The following UMAD1 variants were observed in gnomAD, a reference collection of about 807,000 sequenced individuals.
UMAD1 encodes the protein UBAP1-MVB12-associated (UMA)-domain containing protein 1.
UMAD1 carries 8 observed loss-of-function variants against 6.1 expected under a neutral mutation model. The ratio of observed to expected loss-of-function variants is 1.30; its 90% confidence interval spans 0.76 to 2.35. UMAD1 has a LOEUF of 2.35. Ranked by LOEUF, UMAD1 falls within the 30% of genes most tolerant of loss-of-function variation. The pLI is 0.00. For missense variants in UMAD1, 130 were observed against 78.4 expected, an observed-to-expected ratio of 1.66 and a Z score of -2.49; for synonymous variants, 56 against 31.4, an observed-to-expected ratio of 1.78 and a Z score of -2.61.
At chr7:7,861,797 G>A (rs1002446234) in intron 3 of UMAD1, among the ~76,000 whole-genome samples, 2 of 152,146 alleles carry the variant, frequency 1.3e-5, no homozygotes, top group East Asian at 3.8e-4. Context: ...TTTGAGATTA[G>A]AGAGATGTTT....
rs187785260 is a variant in UMAD1 at position 7,728,623 on chromosome 7, G to C, written c.82+55170G>C. 2.8e-4 allele frequency among the ~76,000 whole-genome samples: 42 copies of C among 149,304 alleles called. No homozygotes were observed. The South Asian group carries it at 8.3e-3, about 30-fold the overall frequency. ...CACACCAGTGCACTCCAGACTGGGT[G>C]ACAGAGTGAGACTCCATCTTAAGAA... On this transcript the variant is annotated intron_variant, in intron 2 of 3. Transcript: ENST00000682710.
chr7:7,768,389 T>C (rs1179778412), intron 2 of UMAD1, among the ~76,000 whole-genome samples: 2 of 152,214 alleles, frequency 1.3e-5, no homozygotes, highest in East Asian at 3.8e-4. Flanking sequence ...TTGTCCCACT[T>C]CAGACTTCTT....
chr7:7,646,395 G>A (rs917935188), intron 1 of UMAD1, among the ~76,000 whole-genome samples: 3 of 151,852 alleles, frequency 2.0e-5, no homozygotes, highest in Admixed American at 6.6e-5. Flanking sequence ...GAATCATGGG[G>A]ACAGTTTCCC....
intron 3 of UMAD1, among the ~76,000 whole-genome samples, chr7:7,825,816 G>A (rs543984943): frequency 8.5e-5 from 13 of 152,192 alleles, no homozygotes; most frequent in East Asian, 7.7e-4. Flanking sequence ...TGCCTATAAC[G>A]TGTATAATTG....
chr7:7,801,676 C>G lies in UMAD1; in HGVS notation c.89C>G (p.Thr30Arg), dbSNP rs1263110378. 8.4e-6 allele frequency: 6 copies of G among 717,890 alleles called. No individual in the cohort carries two copies. The highest frequency in any genetic ancestry group is 7.4e-5 in the South Asian group (5 of 67,576). 44.5% of individuals were successfully genotyped at this position (717,890 alleles called of 1,614,324 possible). A position where few individuals can be genotyped will look rare whatever the true frequency, so the allele number is the denominator to read the frequency against. Residue 30 changes from threonine to arginine, a missense_variant, in exon 3 of 4, where the codon ACA becomes AGA. By Grantham distance (71) the Thr-to-Arg change is moderately conservative. Transcript: ENST00000682710. ...CATATATTTTACTTCATAGGAGATA[C>G]AACAGATGAGCAAAGAATGACAGCA... ...EADGFVLLGD[T>R]TDEQRMTARG... is the part of the protein sequence containing the mutation.
intron 1 of UMAD1, among the ~76,000 whole-genome samples, chr7:7,667,247 G>A (rs28992770): frequency 0.015 from 2,231 of 152,188 alleles, 22 homozygotes; most frequent in Middle Eastern, 0.027. Flanking sequence ...AATAAAATTT[G>A]GTATGTTTCC....
At chr7:7,711,328 A>T (rs149640585) in intron 2 of UMAD1, among the ~76,000 whole-genome samples, 1 of 152,324 alleles carries the variant, frequency 6.6e-6, no homozygotes, top group African/African-American at 2.4e-5. Context: ...CCTGGTGCAC[A>T]TATGTGAGCT....
intron 1 of UMAD1, among the ~76,000 whole-genome samples, chr7:7,651,771 C>T (rs1785227788): frequency 6.6e-6 from 1 of 152,206 alleles, no homozygotes; most frequent in African/African-American, 2.4e-5. Context: ...GAAATTGGGT[C>T]TTCCGAGACT....
chr7:7,866,744 G>A (rs1049704087), intron 3 of UMAD1, among the ~76,000 whole-genome samples: 2 of 152,224 alleles, frequency 1.3e-5, no homozygotes, highest in African/African-American at 4.8e-5. Flanking sequence ...GCCAGGTCAT[G>A]CTTGTGTGTC....
At chr7:7,770,635 G>A (rs2115242534) in intron 2 of UMAD1, among the ~76,000 whole-genome samples, 2 of 152,186 alleles carry the variant, frequency 1.3e-5, no homozygotes, top group East Asian at 3.9e-4. Flanking sequence ...GCATCTAGGA[G>A]GTAGGATTAA....
rs533916165 is a variant in UMAD1, at chr7:7,769,016, C to G, written c.83-32654C>G. Among the ~76,000 whole-genome samples the G allele has an allele frequency of 3.3e-5, 5 of 152,210 alleles. No homozygotes were observed. The South Asian group carries it at 6.2e-4, about 19-fold the overall frequency. On this transcript the variant is annotated intron_variant, in intron 2 of 3. Coordinates refer to ENST00000682710, the MANE Select transcript of UMAD1 (RefSeq NM_001302348.2). ...TAGAATGAGTGGTGACTAAAAGGAC[C>G]AGTGCATTGTGAATTTCTGAAGTCT...
chr7:7,718,390 C>G (rs933460476), intron 2 of UMAD1: 4 of 152,152 alleles, frequency 2.6e-5, no homozygotes, highest in Admixed American at 1.3e-4. Flanking sequence ...TAGCATGGAA[C>G]AAATGAATAA....
chr7:7,847,018 G>A (rs1489231738), intron 3 of UMAD1, among the ~76,000 whole-genome samples: 261 of 112,728 alleles, frequency 2.3e-3, no homozygotes, highest in African/African-American at 8.8e-3. Context: ...TAACTAACCT[G>A]CACAATATGC....
At chr7:7,660,583 A>C (rs896282930) in intron 1 of UMAD1, among the ~76,000 whole-genome samples, 16 of 152,290 alleles carry the variant, frequency 1.1e-4, no homozygotes, top group African/African-American at 3.9e-4. Flanking sequence ...CTGGATATGA[A>C]ATTCTGTGTT....
intron 3 of UMAD1, among the ~76,000 whole-genome samples, chr7:7,812,113 A>C (rs1783032252): frequency 6.6e-6 from 1 of 152,184 alleles, no homozygotes; most frequent in Admixed American, 6.6e-5. Context: ...GAAAGGTCAT[A>C]ATTCTGGTGC....
chr7:7,876,520 T>C (rs1466970206), intron 3 of UMAD1, among the ~76,000 whole-genome samples: 1 of 152,198 alleles, frequency 6.6e-6, no homozygotes, highest in Non-Finnish European at 1.5e-5. Flanking sequence ...TTCAGTTTAT[T>C]ATCCATTCTT....
intron 2 of UMAD1, among the ~76,000 whole-genome samples, chr7:7,677,991 T>C (rs1779791533): frequency 6.6e-6 from 1 of 152,212 alleles, no homozygotes; most frequent in Non-Finnish European, 1.5e-5. Context: ...CATCTGTTGA[T>C]GGAGACACTT....
rs1780670714 is a variant in UMAD1, at chr7:7,708,667, ACTT to A, written c.82+35216_82+35218del. On this transcript the variant is annotated intron_variant, in intron 2 of 3. Coordinates refer to ENST00000682710, the MANE Select transcript of UMAD1 (RefSeq NM_001302348.2). Reference sequence around the variant, plus strand: ...AAAGTAGTAATATACTTTTCCTACTACTTCGTTTTGGCCATCTTAAAATTATAT... The same window carrying A: ...AAAGTAGTAATATACTTTTCCTACTACGTTTTGGCCATCTTAAAATTATAT... 2.0e-5 allele frequency among the ~76,000 whole-genome samples: 3 copies of A among 152,222 alleles called. No homozygotes were observed. The South Asian group carries it at 6.2e-4, about 31-fold the overall frequency.
intron 2 of UMAD1, among the ~76,000 whole-genome samples, chr7:7,717,057 T>C (rs1305086856): frequency 4.8e-5 from 7 of 144,894 alleles, no homozygotes; most frequent in African/African-American, 2.0e-4. Context: ...TCTTTCTTTT[T>C]TTCTTTTTTT....
Sources: gnomAD v4.1 joint callset for allele counts (sites outside exome capture counted in the v4.1 genomes callset) on GRCh38, gnomAD v4.1.1 for gene constraint, MANE v1.5 for transcripts, NCBI Gene and HGNC (gene_info 2026-07-23, HGNC 2026-07-21) for gene names.